DHRS9: variants seen among roughly 807,000 people sequenced by gnomAD.
The protein encoded by DHRS9 is dehydrogenase/reductase SDR family member 9.
In DHRS9, 18 loss-of-function variants were observed where a neutral mutation model predicts 26.6. The ratio of observed to expected loss-of-function variants is 0.68; its 90% confidence interval spans 0.47 to 1.00. The LOEUF (loss-of-function observed/expected upper bound fraction) is 1.00. Ranked by LOEUF, DHRS9 falls within the 50% of genes least tolerant of loss-of-function variation. DHRS9 has a pLI of 0.00. For missense variants in DHRS9, 425 were observed against 378.7 expected (o/e 1.12, Z -1.01); for synonymous variants, 134 against 141.1 (o/e 0.95, Z 0.36).
chr2:169,081,331 T>C (rs1358613622), intron 1 of DHRS9, among the ~76,000 whole-genome samples, 192 bp from the exon 2 acceptor site: 1 of 152,234 alleles, frequency 6.6e-6, no homozygotes, highest in Non-Finnish European at 1.5e-5. Context: ...GGTTAGTTTT[T>C]GCATTACTTT....
At chr2:169,079,784 C>A (rs1158446980) in intron 1 of DHRS9, among the ~76,000 whole-genome samples, 6 of 150,142 alleles carry the variant, frequency 4.0e-5, no homozygotes, top group Admixed American at 1.3e-4. Context: ...TCTCTTGAAC[C>A]CAGGAGGTGG....
intron 4 of DHRS9, among the ~76,000 whole-genome samples, chr2:169,093,331 A>AACACACACAC (rs58377569): frequency 0.017 from 2,579 of 151,012 alleles, 61 homozygotes; most frequent in African/African-American, 0.047. Context: ...CATTACCCTA[A>AACACACACAC]ACACACACAC....
chr2:169,079,993 GAA>G (rs1558951608), intron 1 of DHRS9, among the ~76,000 whole-genome samples: 13 of 87,388 alleles, frequency 1.5e-4, no homozygotes, highest in African/African-American at 5.4e-4. Flanking sequence ...GAGAAAGAAA[GAA>G]AGAAAGAAAG....
upstream of DHRS9, chr2:169,069,398 T>C (rs1367399947): frequency 3.0e-6 from 3 of 984,998 alleles, no homozygotes; most frequent in African/African-American, 5.2e-5. Context: ...TAAAGTCTCT[T>C]CTAAAAGTAG....
chr2:169,070,192 A>G, intron 1 of DHRS9: 4 of 985,372 alleles, frequency 4.1e-6, no homozygotes, highest in Middle Eastern at 5.2e-4. Context: ...ATGAATACAC[A>G]CACATATTCA....
chr2:169,070,644 T>G (rs1052276408), intron 1 of DHRS9: 5 of 984,442 alleles, frequency 5.1e-6, no homozygotes, highest in Non-Finnish European at 3.6e-6. Context: ...GCTCAGATTT[T>G]AGAACAAATT....
chr2:169,085,758 GTTT>G (rs1684330061), intron 3 of DHRS9, among the ~76,000 whole-genome samples: 1 of 152,094 alleles, frequency 6.6e-6, no homozygotes, highest in Admixed American at 6.5e-5. Context: ...TGTTCTAATA[GTTT>G]TTATGTGTGT....
intron 4 of DHRS9, among the ~76,000 whole-genome samples, chr2:169,094,350 TA>T (rs1466175103): frequency 6.6e-6 from 1 of 152,168 alleles, no homozygotes; most frequent in Admixed American, 6.6e-5. Context: ...AGTTTGCAAA[TA>T]TTTTTTCCCA....
chr2:169,069,339 T>C (rs948650797), upstream of DHRS9: 3 of 804,906 alleles, frequency 3.7e-6, no homozygotes, highest in African/African-American at 5.6e-5. Flanking sequence ...TGCTGCTGAA[T>C]TTGGTCAAGA....
intron 4 of DHRS9, 61 bp downstream of exon 4, chr2:169,092,014 G>T (rs1684546918): frequency 1.3e-6 from 2 of 1,544,198 alleles, no homozygotes; most frequent in Admixed American, 3.8e-5. Context: ...GCATGAAGGA[G>T]ATTCAAATAC....
At chr2:169,071,887 A>T (rs1011721051) in intron 1 of DHRS9, among the ~76,000 whole-genome samples, 2 of 152,066 alleles carry the variant, frequency 1.3e-5, no homozygotes, top group Non-Finnish European at 2.9e-5. Context: ...TTTTTTTTTC[A>T]GATTTCTGGG....
At chr2:169,068,474 A>T (rs1320235056), upstream of DHRS9, among the ~76,000 whole-genome samples, 1 of 152,132 alleles carries the variant, frequency 6.6e-6, no homozygotes, top group African/African-American at 2.4e-5. Context: ...ACAGGTGCCC[A>T]CCACCATGCC....
intron 4 of DHRS9, among the ~76,000 whole-genome samples, chr2:169,094,240 A>C (rs1276052364): frequency 6.6e-6 from 1 of 152,156 alleles, no homozygotes; most frequent in Admixed American, 6.6e-5. Flanking sequence ...CTTTTGAGAA[A>C]AGTCTGTTCA....
At chr2:169,078,840 T>TTTTTTTTTTTTTTTTTTTTTTTTTTTG (rs1553478929) in intron 1 of DHRS9, among the ~76,000 whole-genome samples, 2 of 137,268 alleles carry the variant, frequency 1.5e-5, no homozygotes, top group African/African-American at 5.9e-5. Context: ...TTTTTTTTTT[T>TTTTTTTTTTTTTTTTTTTTTTTTTTTG]TGTGACAGAG....
chr2:169,085,637 G>A (rs753973904), intron 3 of DHRS9, among the ~76,000 whole-genome samples: 5 of 152,004 alleles, frequency 3.3e-5, no homozygotes, highest in Non-Finnish European at 5.9e-5. Flanking sequence ...TTTGCTGTTG[G>A]CATACAGAAA....
At position 169,080,305 on chromosome 2, in the gene DHRS9, T is replaced by C. The variant is rs369414056; in HGVS notation, c.-59-1218T>C. Among the ~76,000 whole-genome samples the C allele has an allele frequency of 7.2e-5, 11 of 152,312 alleles. No homozygotes were observed. The East Asian group carries it at 2.1e-3, about 30-fold the overall frequency. ...GGAAGAAAATAAGGTCTTTCCCACATGTGGTTCTCTCTTTAGCCCCTCTCC... is the reference window on the plus strand; with the variant it reads ...GGAAGAAAATAAGGTCTTTCCCACACGTGGTTCTCTCTTTAGCCCCTCTCC... On this transcript the variant is annotated intron_variant, in intron 1 of 4. Transcript: ENST00000674881.
chr2:169,070,883 T>C (rs963979249), intron 1 of DHRS9: 26 of 338,508 alleles, frequency 7.7e-5, no homozygotes, highest in African/African-American at 4.3e-4. Flanking sequence ...GCTAACACGG[T>C]GAAACCTGGT....
Position 169,083,507 on chromosome 2 carries a change from TGTTGGAGGTCGCCTTGCAATC to T in DHRS9, c.501_521del (p.Arg168_Gly174del). 3.1e-6 allele frequency: 5 copies of T among 1,614,114 alleles called. No homozygotes were observed. Among genetic ancestry groups the T allele is most frequent in the Non-Finnish European group, 4.2e-6 (5 of 1,179,994 alleles). On this transcript the variant is annotated inframe_deletion, in exon 3 of 5. Transcript: ENST00000674881. ...AAGGGAGAGTTATTAATGTCTCCAGTGTTGGAGGTCGCCTTGCAATCGTTGGAGGGGGCTATACTCCATCCA... is the reference window on the plus strand; with the variant it reads ...AAGGGAGAGTTATTAATGTCTCCAGTGTTGGAGGGGGCTATACTCCATCCA...
upstream of DHRS9, among the ~76,000 whole-genome samples, chr2:169,069,004 C>T (rs192851214): frequency 3.3e-3 from 508 of 152,298 alleles, 5 homozygotes; most frequent in African/African-American, 0.011. Flanking sequence ...CTATTCTCAG[C>T]GGTCTCAGTT....
Sources: gnomAD v4.1 joint callset for allele counts (sites outside exome capture counted in the v4.1 genomes callset) on GRCh38, gnomAD v4.1.1 for gene constraint, MANE v1.5 for transcripts, NCBI Gene and HGNC (gene_info 2026-07-23, HGNC 2026-07-21) for gene names.